The following ANTXR2 variants were observed in gnomAD, a reference collection of about 807,000 sequenced individuals.
ANTXR2 encodes ANTXR cell adhesion molecule 2, also known as anthrax toxin receptor 2.
A neutral mutation model predicts 73.7 loss-of-function variants in ANTXR2; 44 were observed. The observed-to-expected ratio is 0.60, with a 90% CI of 0.47 to 0.77. ANTXR2 has a LOEUF of 0.77. Ranked by LOEUF, ANTXR2 falls within the 30% of genes least tolerant of loss-of-function variation. The pLI is 0.00. For missense variants in ANTXR2, 604 were observed against 592.5 expected (o/e 1.02, Z -0.20); for synonymous variants, 217 against 205.9 (o/e 1.05, Z -0.46).
intron 12 of ANTXR2, among the ~76,000 whole-genome samples, chr4:79,985,546 T>C (rs1185184195): frequency 6.6e-6 from 1 of 151,974 alleles, no homozygotes; most frequent in African/African-American, 2.4e-5. Flanking sequence ...TAACCTAGGC[T>C]GGGTGGTGAG....
intron 16 of ANTXR2, among the ~76,000 whole-genome samples, chr4:79,917,700 T>C (rs569096833): frequency 1.3e-5 from 2 of 152,088 alleles, no homozygotes; most frequent in African/African-American, 4.8e-5. Context: ...GAGTAAAACT[T>C]AACTACAGAT....
At chr4:79,928,316 A>G (rs1451049230) in intron 16 of ANTXR2, among the ~76,000 whole-genome samples, 1 of 152,230 alleles carries the variant, frequency 6.6e-6, no homozygotes, top group African/African-American at 2.4e-5. Context: ...TCAAATTCAT[A>G]GAGACAGAAT....
At chr4:79,977,431 T>C (rs1729682213) in intron 16 of ANTXR2, 190 bp downstream of exon 16, 3 of 1,173,616 alleles carry the variant, frequency 2.6e-6, no homozygotes, top group Non-Finnish European at 3.4e-6. Flanking sequence ...GGTGTAAAAA[T>C]GTAGTTTGAA....
At chr4:79,934,720 C>T (rs1249327177) in intron 16 of ANTXR2, among the ~76,000 whole-genome samples, 2 of 151,906 alleles carry the variant, frequency 1.3e-5, no homozygotes, top group Admixed American at 6.6e-5. Flanking sequence ...AAACGCCATG[C>T]ATTGCTACTA....
At chr4:79,980,908 A>T (rs1387738798) in intron 14 of ANTXR2, among the ~76,000 whole-genome samples, 1 of 137,508 alleles carries the variant, frequency 7.3e-6, no homozygotes, top group Non-Finnish European at 1.5e-5. Context: ...TACTTTTCCT[A>T]GTTTAAGGGC....
chr4:80,006,656 T>A (rs1015871527), intron 12 of ANTXR2, among the ~76,000 whole-genome samples: 1 of 151,992 alleles, frequency 6.6e-6, no homozygotes, highest in African/African-American at 2.4e-5. Flanking sequence ...ATCTGTAGAG[T>A]CCAAGGCTTT....
chr4:79,995,221 C>A (rs911904331), intron 12 of ANTXR2, among the ~76,000 whole-genome samples: 6 of 151,954 alleles, frequency 3.9e-5, no homozygotes, highest in Non-Finnish European at 7.4e-5. Flanking sequence ...ATAATTATTT[C>A]TCCTTATTTA....
intron 7 of ANTXR2, among the ~76,000 whole-genome samples, chr4:80,044,060 T>G (rs941054717): frequency 6.6e-6 from 1 of 151,956 alleles, no homozygotes; most frequent in Non-Finnish European, 1.5e-5. Context: ...GGACAAATAC[T>G]CCAAGAATCC....
At position 80,033,041 on chromosome 4, in the gene ANTXR2, G is replaced by A. The variant is rs577542290; in HGVS notation, c.796+431C>T. On this transcript the variant is annotated intron_variant, in intron 9 of 16. Coordinates refer to ENST00000403729, the MANE Select transcript of ANTXR2 (RefSeq NM_058172.6). ...AAAAAAAGGAACAAGTAGGAGAGAA[G>A]CTGAAGATAATTAGATTTTAAGGCA... is the stretch of plus-strand genomic sequence containing the variant. 2.6e-5 allele frequency among the ~76,000 whole-genome samples: 4 copies of A among 151,978 alleles called. No individual in the cohort carries two copies. The South Asian group carries it at 8.3e-4, about 31-fold the overall frequency.
intron 10 of ANTXR2, 31 bp downstream of exon 10, chr4:80,031,592 G>T (rs1044476201): frequency 2.2e-5 from 31 of 1,379,790 alleles, no homozygotes; most frequent in Admixed American, 9.3e-5. Flanking sequence ...TACTAAAAAT[G>T]TTATAAAATT....
chr4:80,046,703 AT>A (rs752856102), intron 7 of ANTXR2, among the ~76,000 whole-genome samples: 2 of 151,736 alleles, frequency 1.3e-5, no homozygotes, highest in Non-Finnish European at 3.0e-5. Context: ...AATAGAAAAA[AT>A]ATCTTACTAA....
At chr4:80,015,886 G>GAAAGGAAAGGAAAGT (rs1731821174) in intron 11 of ANTXR2, among the ~76,000 whole-genome samples, 1 of 70,846 alleles carries the variant, frequency 1.4e-5, no homozygotes, top group Middle Eastern at 3.9e-3. Context: ...GAAAGGAAAG[G>GAAAGGAAAGGAAAGT]AAAGGAAAGG....
intron 16 of ANTXR2, among the ~76,000 whole-genome samples, chr4:79,976,284 G>A (rs1418446447): frequency 6.6e-6 from 1 of 152,164 alleles, no homozygotes; most frequent in East Asian, 1.9e-4. Context: ...TAAAACAGAG[G>A]AATGATCATG....
chr4:79,907,031 A>G lies in ANTXR2; in HGVS notation c.*398T>C, dbSNP rs943944740. 7 of 224,486 alleles carry G rather than the reference A, an allele frequency of 3.1e-5. No homozygotes were observed. In the East Asian group the frequency reaches 1.0e-3, roughly 33 times the overall value. The allele number at this position is 224,486 out of a possible 1,614,324, so 13.9% of individuals were successfully genotyped here. The stretch of plus-strand genomic sequence containing the variant: ...AAACACAAGTGCCATGTTTCCATGT[A>G]AAAAACTCCTGTCTCCCATCATGGC... On this transcript the variant is annotated 3_prime_UTR_variant, in exon 17 of 17. Transcript: ENST00000403729.
intron 16 of ANTXR2, among the ~76,000 whole-genome samples, chr4:79,975,690 G>T (rs941591741): frequency 6.6e-6 from 1 of 152,112 alleles, no homozygotes; most frequent in Non-Finnish European, 1.5e-5. Flanking sequence ...TTAAAGTCTA[G>T]CATGTAGAAG....
intron 12 of ANTXR2, among the ~76,000 whole-genome samples, chr4:79,985,218 C>T (rs948999724): frequency 1.3e-5 from 2 of 151,664 alleles, no homozygotes; most frequent in South Asian, 2.1e-4. Flanking sequence ...GGCGTGGTGG[C>T]GGGAGCCTGT....
intron 10 of ANTXR2, among the ~76,000 whole-genome samples, chr4:80,020,610 C>T (rs1732113402): frequency 6.6e-6 from 1 of 152,162 alleles, no homozygotes; most frequent in Non-Finnish European, 1.5e-5. Context: ...ATGTTAATTA[C>T]TTTGCCCAAA....
At chr4:80,033,376 T>C (rs112574062) in intron 9 of ANTXR2, 96 bp downstream of exon 9, 28 of 814,872 alleles carry the variant, frequency 3.4e-5, no homozygotes, top group African/African-American at 2.5e-4. Context: ...GATTAAAAAA[T>C]ATGTCAGTTA....
intron 16 of ANTXR2, among the ~76,000 whole-genome samples, chr4:79,909,647 A>C (rs1175192978): frequency 9.4e-5 from 14 of 149,028 alleles, no homozygotes; most frequent in African/African-American, 3.4e-4. Context: ...ATAAGCACCA[A>C]AAAAAAAAAA....
Sources: allele counts gnomAD v4.1 joint callset (sites outside exome capture counted in the v4.1 genomes callset), GRCh38; gene constraint gnomAD v4.1.1; transcripts MANE v1.5; gene names NCBI Gene and HGNC (gene_info 2026-07-23, HGNC 2026-07-21).